The following RAPGEF4 variants were observed in gnomAD, a reference collection of about 807,000 sequenced individuals.
The protein encoded by RAPGEF4 is Rap guanine nucleotide exchange factor 4.
Under a neutral mutation model 147.9 loss-of-function variants are expected in RAPGEF4, and 66 were observed. The observed-to-expected ratio is 0.45, with a 90% CI of 0.37 to 0.55. The LOEUF (loss-of-function observed/expected upper bound fraction) is 0.55. RAPGEF4 is among the 20% of genes least tolerant of loss of function. The pLI is 0.00. For synonymous variants in RAPGEF4, 419 were observed against 442.7 expected (o/e 0.95, Z 0.67); for missense variants, 1,071 against 1,257.3 (o/e 0.85, Z 2.24).
At chr2:172,895,062 G>A (rs1182223610) in intron 4 of RAPGEF4, among the ~76,000 whole-genome samples, 3 of 152,004 alleles carry the variant, frequency 2.0e-5, no homozygotes, top group African/African-American at 4.8e-5. Context: ...AGGGAAGGTG[G>A]GGAGCGATTT....
chr2:172,835,654 A>ATGT (rs1690840088), intron 4 of RAPGEF4, among the ~76,000 whole-genome samples: 1 of 12,764 alleles, frequency 7.8e-5, no homozygotes, highest in South Asian at 9.6e-3. Context: ...ATATAACCTG[A>ATGT]TATTAAATAT....
At chr2:172,830,453 G>C (rs1347348999) in intron 4 of RAPGEF4, among the ~76,000 whole-genome samples, 1 of 152,206 alleles carries the variant, frequency 6.6e-6, no homozygotes, top group Non-Finnish European at 1.5e-5. Context: ...GTTTTTCACA[G>C]ATGTGTGGTT....
intron 1 of RAPGEF4, among the ~76,000 whole-genome samples, chr2:172,780,115 C>T (rs1265018557): frequency 6.6e-6 from 1 of 151,994 alleles, no homozygotes. Flanking sequence ...TTTCCCTGTA[C>T]ACCTCTGAGT....
intron 3 of RAPGEF4, among the ~76,000 whole-genome samples, chr2:172,805,225 G>A (rs1328784177): frequency 1.3e-5 from 2 of 152,162 alleles, no homozygotes; most frequent in Non-Finnish European, 2.9e-5. Flanking sequence ...GTCCCTGGAC[G>A]GGAGGGACGG....
intron 6 of RAPGEF4, among the ~76,000 whole-genome samples, chr2:172,931,060 C>A (rs761822141): frequency 1.1e-4 from 17 of 151,798 alleles, no homozygotes; most frequent in Non-Finnish European, 2.2e-4. Context: ...CACTTAATAG[C>A]CAGTGACACT....
At chr2:172,836,891 A>G (rs1269127472) in intron 4 of RAPGEF4, among the ~76,000 whole-genome samples, 2 of 152,212 alleles carry the variant, frequency 1.3e-5, no homozygotes, top group African/African-American at 2.4e-5. Flanking sequence ...ATTTCTGGCA[A>G]TTGAGAAACA....
At chr2:173,002,012 A>AAAAAAAAAAAAAAAAAC (rs1693981051) in intron 17 of RAPGEF4, among the ~76,000 whole-genome samples, 1 of 150,782 alleles carries the variant, frequency 6.6e-6, no homozygotes, top group Non-Finnish European at 1.5e-5. Context: ...AAAAAAAAAA[A>AAAAAAAAAAAAAAAAAC]AAATCCATTG....
At chr2:172,803,153 C>A (rs1245857688) in intron 3 of RAPGEF4, among the ~76,000 whole-genome samples, 2 of 152,208 alleles carry the variant, frequency 1.3e-5, no homozygotes, top group Non-Finnish European at 2.9e-5. Context: ...GTTTTCACAG[C>A]TCCACTAGGG....
At chr2:173,029,348 C>T (rs187928722) in intron 25 of RAPGEF4, among the ~76,000 whole-genome samples, 12 of 152,294 alleles carry the variant, frequency 7.9e-5, no homozygotes, top group Non-Finnish European at 1.0e-4. Flanking sequence ...AGGATTTATG[C>T]GTATTGCAAA....
chr2:172,822,183 C>T (rs920720753), intron 4 of RAPGEF4, among the ~76,000 whole-genome samples: 4 of 152,050 alleles, frequency 2.6e-5, no homozygotes, highest in Non-Finnish European at 4.4e-5. Context: ...TGAGTGGTGG[C>T]TCATCTTTCT....
At chr2:172,852,565 A>G (rs1173473204) in intron 4 of RAPGEF4, among the ~76,000 whole-genome samples, 2 of 152,148 alleles carry the variant, frequency 1.3e-5, no homozygotes, top group Non-Finnish European at 2.9e-5. Context: ...TATACAAAAA[A>G]TCATGTTATG....
At chr2:172,755,364 T>A (rs1402687553) in intron 1 of RAPGEF4, among the ~76,000 whole-genome samples, 3 of 152,198 alleles carry the variant, frequency 2.0e-5, no homozygotes, top group Admixed American at 1.3e-4. Context: ...CAAATTGAGC[T>A]AATAACAATA....
intron 29 of RAPGEF4, among the ~76,000 whole-genome samples, chr2:173,039,922 G>A (rs1684542613): frequency 6.6e-6 from 1 of 152,168 alleles, no homozygotes; most frequent in Non-Finnish European, 1.5e-5. Context: ...GGGTGTGGTG[G>A]CTCATGTCTG....
chr2:173,005,222 A>C (rs1458605381), intron 17 of RAPGEF4, among the ~76,000 whole-genome samples: 3 of 152,134 alleles, frequency 2.0e-5, no homozygotes, highest in African/African-American at 7.2e-5. Flanking sequence ...ATTCCTAAAA[A>C]TAGGCAAAGA....
chr2:172,771,505 TGA>T (rs1354445398), intron 1 of RAPGEF4, among the ~76,000 whole-genome samples: 2 of 152,216 alleles, frequency 1.3e-5, no homozygotes, highest in Non-Finnish European at 2.9e-5. Flanking sequence ...TGAGGTTATT[TGA>T]GAGATTGTAA....
In RAPGEF4 at chr2:172,983,486, A is replaced by C; in HGVS notation, c.1005-10A>C. 7.2e-7 allele frequency: 1 copy of C among 1,394,362 alleles called. No homozygotes were observed. The highest frequency in any genetic ancestry group is 9.3e-7 in the Non-Finnish European group (1 of 1,077,090). The allele number at this position is 1,394,362 out of a possible 1,614,324, so 86.4% of individuals were successfully genotyped here. On this transcript the variant is annotated splice_polypyrimidine_tract_variant and intron_variant, in intron 10 of 30. Transcript: ENST00000397081. Reference sequence around the variant, plus strand: ...TTTCCATATTCCTTTTTTTTTTTTTATCTTTGTAGACCTGGCCAGAGGACT... The same window carrying C: ...TTTCCATATTCCTTTTTTTTTTTTTCTCTTTGTAGACCTGGCCAGAGGACT...
intron 12 of RAPGEF4, among the ~76,000 whole-genome samples, chr2:172,987,092 T>C (rs953423208): frequency 6.6e-6 from 1 of 152,164 alleles, no homozygotes; most frequent in Non-Finnish European, 1.5e-5. Context: ...GCAGGTGGAT[T>C]CCTTGAGTCC....
At chr2:172,957,177 A>G (rs1457211337) in intron 6 of RAPGEF4, among the ~76,000 whole-genome samples, 1 of 152,238 alleles carries the variant, frequency 6.6e-6, no homozygotes, top group Non-Finnish European at 1.5e-5. Flanking sequence ...GTAAAGGAGC[A>G]TGTGTGCACA....
intron 4 of RAPGEF4, among the ~76,000 whole-genome samples, chr2:172,824,918 A>G (rs1282812901): frequency 6.6e-6 from 1 of 152,212 alleles, no homozygotes; most frequent in African/African-American, 2.4e-5. Flanking sequence ...CCTACAATAA[A>G]TTCCCAGGAA....
Sources: gnomAD v4.1 joint callset for allele counts (sites outside exome capture counted in the v4.1 genomes callset) on GRCh38, gnomAD v4.1.1 for gene constraint, MANE v1.5 for transcripts, NCBI Gene and HGNC (gene_info 2026-07-23, HGNC 2026-07-21) for gene names.